Variants in GALNT13 observed in about 807,000 individuals in gnomAD.
GALNT13 encodes the protein polypeptide N-acetylgalactosaminyltransferase 13.
Under a neutral mutation model 64.2 loss-of-function variants are expected in GALNT13, and 28 were observed. The ratio of observed to expected loss-of-function variants is 0.44; its 90% confidence interval spans 0.32 to 0.60. The LOEUF is 0.60. GALNT13 is among the 20% of genes least tolerant of loss of function. The probability of loss-of-function intolerance (pLI) is 0.05; values close to 1 mark genes in which losing one functional copy is unlikely to be tolerated. For missense variants in GALNT13, 577 were observed against 669.8 expected, an observed-to-expected ratio of 0.86 and a Z score of 1.53; for synonymous variants, 214 against 224.6, an observed-to-expected ratio of 0.95 and a Z score of 0.42.
the GALNT13 span, among the ~76,000 whole-genome samples, chr2:153,783,075 G>T: frequency 6.6e-6 from 1 of 152,284 alleles, no homozygotes; most frequent in African/African-American, 2.4e-5. Context: ...TTAGTGTAAA[G>T]GTAGAAGTGA....
chr2:153,729,016 A>G, the GALNT13 span, among the ~76,000 whole-genome samples: 1 of 152,294 alleles, frequency 6.6e-6, no homozygotes, highest in East Asian at 1.9e-4. Context: ...AACCAAAAAA[A>G]GCCCAGGACC....
At position 153,944,492 on chromosome 2, in the gene GALNT13, A is replaced by C. The variant is rs1691568456; in HGVS notation, c.-6A>C. On this transcript the variant is annotated 5_prime_UTR_variant, in exon 3 of 13. Coordinates refer to ENST00000392825, the MANE Select transcript of GALNT13 (RefSeq NM_052917.4). ...TCTGTGTGTTAACTAGAAATCAAGG[A>C]AAGACATGAGGAGATTTGTCTACTG... 4 of 1,610,764 alleles carry C rather than the reference A, an allele frequency of 2.5e-6. No homozygotes were observed. The East Asian group carries it at 8.9e-5, about 36-fold the overall frequency.
chr2:153,544,464 T>G, the GALNT13 span, among the ~76,000 whole-genome samples: 1 of 152,228 alleles, frequency 6.6e-6, no homozygotes, highest in Non-Finnish European at 1.5e-5. Context: ...TTGTCAGGAA[T>G]TTAATGTTTT....
intron 3 of GALNT13, among the ~76,000 whole-genome samples, chr2:154,006,845 A>G (rs1372871531): frequency 1.3e-5 from 2 of 152,202 alleles, no homozygotes; most frequent in East Asian, 3.9e-4. Context: ...AAAGTGTTAC[A>G]TCTTGGAATT....
At chr2:153,532,180 G>C in the GALNT13 span, among the ~76,000 whole-genome samples, 6 of 152,110 alleles carry the variant, frequency 3.9e-5, no homozygotes, top group African/African-American at 7.2e-5. Flanking sequence ...GCAGGCTTCT[G>C]CATGGACATC....
chr2:153,894,947 T>C (rs1687795670), intron 1 of GALNT13, among the ~76,000 whole-genome samples: 1 of 152,156 alleles, frequency 6.6e-6, no homozygotes, highest in Admixed American at 6.6e-5. Context: ...AGTGACCTGG[T>C]AGAGCAAACA....
chr2:154,456,451 G>T (rs984231393), downstream of GALNT13, among the ~76,000 whole-genome samples: 4 of 151,828 alleles, frequency 2.6e-5, no homozygotes, highest in Non-Finnish European at 5.9e-5. Context: ...TGCCTTTTTG[G>T]AAAATAAATG....
At chr2:153,410,872 T>TA in the GALNT13 span, among the ~76,000 whole-genome samples, 327 of 148,936 alleles carry the variant, frequency 2.2e-3, 3 homozygotes, top group African/African-American at 7.3e-3. Context: ...TAAATATATA[T>TA]TTAGAGAGAG....
chr2:153,861,508 G>A, the GALNT13 span, among the ~76,000 whole-genome samples: 1 of 151,072 alleles, frequency 6.6e-6, no homozygotes, highest in East Asian at 2.0e-4. Flanking sequence ...AATAAAAGTA[G>A]AAGTTCTGCT....
chr2:153,378,643 A>G, the GALNT13 span, among the ~76,000 whole-genome samples: 3 of 152,184 alleles, frequency 2.0e-5, no homozygotes, highest in African/African-American at 7.2e-5. Flanking sequence ...CCAAGAGTTA[A>G]GAAATGTATT....
the GALNT13 span, among the ~76,000 whole-genome samples, chr2:153,699,140 T>G: frequency 6.6e-6 from 1 of 152,158 alleles, no homozygotes; most frequent in Non-Finnish European, 1.5e-5. Context: ...GAGAATCACT[T>G]GAACCAGGAG....
chr2:153,496,126 T>C, the GALNT13 span, among the ~76,000 whole-genome samples: 1 of 152,214 alleles, frequency 6.6e-6, no homozygotes, highest in Non-Finnish European at 1.5e-5. Flanking sequence ...CATTTGCCAA[T>C]GTTCAGATTA....
chr2:153,236,498 C>A, the GALNT13 span, among the ~76,000 whole-genome samples: 1 of 152,060 alleles, frequency 6.6e-6, no homozygotes, highest in South Asian at 2.1e-4. Context: ...GAAACCAACA[C>A]TCATTTACCA....
intron 3 of GALNT13, among the ~76,000 whole-genome samples, chr2:154,026,334 T>C (rs1033156176): frequency 6.6e-6 from 1 of 152,116 alleles, no homozygotes; most frequent in African/African-American, 2.4e-5. Context: ...CTTGCTATTA[T>C]TTTATGAGGT....
chr2:153,481,640 A>G, the GALNT13 span, among the ~76,000 whole-genome samples: 2 of 152,196 alleles, frequency 1.3e-5, no homozygotes, highest in Non-Finnish European at 2.9e-5. Context: ...TTAAAGGCCC[A>G]GTATTTTATA....
intron 9 of GALNT13, among the ~76,000 whole-genome samples, chr2:154,348,272 G>T (rs1489077045): frequency 1.3e-5 from 2 of 152,028 alleles, no homozygotes; most frequent in Non-Finnish European, 2.9e-5. Context: ...TGACTTCCCA[G>T]TCATTTGAGA....
intron 4 of GALNT13, among the ~76,000 whole-genome samples, chr2:154,232,869 CAA>C (rs536022439): frequency 5.8e-5 from 7 of 119,724 alleles, no homozygotes; most frequent in Admixed American, 1.7e-4. Flanking sequence ...TTTGTCGCTA[CAA>C]AAAAAAAAAA....
the GALNT13 span, among the ~76,000 whole-genome samples, chr2:153,711,291 T>G: frequency 2.6e-5 from 4 of 152,148 alleles, no homozygotes; most frequent in African/African-American, 4.8e-5. Context: ...GTGGAAACAT[T>G]AACTAAAATC....
chr2:154,194,384 T>G (rs1049501967), intron 4 of GALNT13, among the ~76,000 whole-genome samples: 3 of 152,162 alleles, frequency 2.0e-5, no homozygotes, highest in Admixed American at 6.5e-5. Flanking sequence ...TTACATGCCA[T>G]TTTTAAAAAG....
Sources: gnomAD v4.1 joint callset for allele counts (sites outside exome capture counted in the v4.1 genomes callset) on GRCh38, gnomAD v4.1.1 for gene constraint, MANE v1.5 for transcripts, NCBI Gene and HGNC (gene_info 2026-07-23, HGNC 2026-07-21) for gene names.